Variants in ADAM28 observed in about 807,000 individuals in gnomAD.
The protein encoded by ADAM28 is disintegrin and metalloproteinase domain-containing protein 28.
ADAM28 carries 105 observed loss-of-function variants against 101.2 expected under a neutral mutation model. The observed-to-expected ratio is 1.04, with a 90% CI of 0.89 to 1.22. ADAM28 has a LOEUF of 1.22. Ranked by LOEUF, ADAM28 falls within the 50% of genes most tolerant of loss-of-function variation. The pLI is 0.00. For missense variants in ADAM28, 1,028 were observed against 945.4 expected, an observed-to-expected ratio of 1.09 and a Z score of -1.15; for synonymous variants, 322 against 310.6, an observed-to-expected ratio of 1.04 and a Z score of -0.39.
At chr8:24,337,810 A>ATCAAT (rs1180202707) in intron 14 of ADAM28, among the ~76,000 whole-genome samples, 1 of 152,234 alleles carries the variant, frequency 6.6e-6, no homozygotes, top group Non-Finnish European at 1.5e-5. Context: ...ATTCCCACAA[A>ATCAAT]TCAATTCTAA....
chr8:24,301,605 C>A (rs1004394360), intron 2 of ADAM28, among the ~76,000 whole-genome samples: 2 of 152,074 alleles, frequency 1.3e-5, no homozygotes, highest in African/African-American at 4.8e-5. Context: ...AATTTAAGTA[C>A]CCTGCCTAGG....
At chr8:24,305,557 C>T (rs1044292041) in intron 2 of ADAM28, among the ~76,000 whole-genome samples, 3 of 139,318 alleles carry the variant, frequency 2.2e-5, no homozygotes, top group African/African-American at 8.0e-5. Context: ...ATACTTGTTT[C>T]ATTAATACAT....
intron 1 of ADAM28, among the ~76,000 whole-genome samples, chr8:24,296,510 A>G (rs952879240): frequency 2.0e-5 from 3 of 152,206 alleles, no homozygotes; most frequent in Admixed American, 2.0e-4. Context: ...GAAAATGAAA[A>G]TGTCAATATT....
intron 8 of ADAM28, among the ~76,000 whole-genome samples, chr8:24,322,271 T>G (rs895911034): frequency 6.6e-6 from 1 of 151,806 alleles, no homozygotes; most frequent in Non-Finnish European, 1.5e-5. Context: ...GACTCAGAGA[T>G]TGTTCATTTA....
rs1563270414 is a variant in ADAM28, at chr8:24,306,356, A to ATATATATATATATATATATATATATATT, written c.151-3536_151-3535insTATATATATATATATATATATATATTTA. Among the ~76,000 whole-genome samples the ATATATATATATATATATATATATATATT allele has an allele frequency of 2.4e-3, 276 of 116,582 alleles. 10 individuals are homozygous for ATATATATATATATATATATATATATATT. The highest frequency in any genetic ancestry group is 9.8e-3 in the African/African-American group (265 of 26,976). The allele number at this position is 116,582 out of a possible 152,430, so 76.5% of individuals were successfully genotyped here. A position where few individuals can be genotyped will look rare whatever the true frequency, so the allele number is the denominator to read the frequency against. On this transcript the variant is annotated intron_variant, in intron 2 of 22. Coordinates refer to ENST00000265769, the MANE Select transcript of ADAM28 (RefSeq NM_014265.6). ...GAGACTCCATCTCAAATACAAATAAATAAATAAATATATATATATATATAT... is the reference window on the plus strand; with the variant it reads ...GAGACTCCATCTCAAATACAAATAAATATATATATATATATATATATATATATTTAAATAAATATATATATATATATAT...
intron 5 of ADAM28, among the ~76,000 whole-genome samples, chr8:24,313,004 C>A (rs1328376310): frequency 6.6e-6 from 1 of 152,044 alleles, no homozygotes; most frequent in Non-Finnish European, 1.5e-5. Flanking sequence ...AGTTATAAAG[C>A]CAGTATATTA....
chr8:24,325,136 G>C (rs989954814), intron 9 of ADAM28: 2 of 151,894 alleles, frequency 1.3e-5, no homozygotes, highest in African/African-American at 4.8e-5. Context: ...GAGTTTAGTG[G>C]TTTTCTAAGG....
At chr8:24,307,544 A>C (rs1030214783) in intron 2 of ADAM28, among the ~76,000 whole-genome samples, 1 of 152,228 alleles carries the variant, frequency 6.6e-6, no homozygotes, top group Non-Finnish European at 1.5e-5. Flanking sequence ...GATTGTATTT[A>C]TATGAATGAC....
intron 6 of ADAM28, among the ~76,000 whole-genome samples, chr8:24,317,578 C>A (rs1351523121): frequency 1.3e-5 from 2 of 151,960 alleles, no homozygotes; most frequent in Non-Finnish European, 2.9e-5. Flanking sequence ...AACCATAAAA[C>A]TCCTAAAAGA....
intron 1 of ADAM28, among the ~76,000 whole-genome samples, chr8:24,299,511 T>A (rs79655054): frequency 0.066 from 10,106 of 152,164 alleles, 542 homozygotes; most frequent in African/African-American, 0.15. Flanking sequence ...CCAAGAAAAA[T>A]AGAATAAAAA....
intron 2 of ADAM28, among the ~76,000 whole-genome samples, chr8:24,304,525 T>C (rs1044216470): frequency 2.0e-5 from 3 of 152,012 alleles, no homozygotes; most frequent in Non-Finnish European, 4.4e-5. Context: ...TTGGGGATAA[T>C]GTATATGAAA....
chr8:24,333,116 A>T (rs903619972), intron 13 of ADAM28, among the ~76,000 whole-genome samples: 1 of 152,186 alleles, frequency 6.6e-6, no homozygotes, highest in Non-Finnish European at 1.5e-5. Context: ...GAATCCAAAA[A>T]CGTTGAATAC....
rs77850252 is a variant in ADAM28, at chr8:24,334,718, C to T, written c.1372-728C>T. On this transcript the variant is annotated intron_variant, in intron 13 of 22. Transcript: ENST00000265769. ...TATTAAGATATTTAAAGTTATTTGA[C>T]GCATTGAAAACATACCTGCTCCTGT... 7.9e-5 allele frequency among the ~76,000 whole-genome samples: 12 copies of T among 152,204 alleles called. 1 individual carries two copies. The highest frequency in any genetic ancestry group is 1.9e-4 in the East Asian group (1 of 5,176).
chr8:24,336,657 G>A (rs1028551197), intron 14 of ADAM28, among the ~76,000 whole-genome samples: 3 of 149,934 alleles, frequency 2.0e-5, no homozygotes, highest in African/African-American at 7.4e-5. Flanking sequence ...AAGTGATCTA[G>A]CTTATATACC....
At chr8:24,299,941 C>T (rs767817464) in intron 1 of ADAM28, 33 bp from the exon 2 acceptor site, 4 of 1,562,218 alleles carry the variant, frequency 2.6e-6, no homozygotes, top group Non-Finnish European at 3.5e-6. Flanking sequence ...TCAGTTCTAC[C>T]TGGATAAGTC....
chr8:24,304,278 T>C (rs1389368434), intron 2 of ADAM28, among the ~76,000 whole-genome samples: 2 of 150,642 alleles, frequency 1.3e-5, no homozygotes, highest in Admixed American at 1.3e-4. Flanking sequence ...GAGGTTGATA[T>C]AATGTGCTTG....
intron 19 of ADAM28, among the ~76,000 whole-genome samples, chr8:24,350,738 G>A (rs1034118237): frequency 3.9e-5 from 6 of 152,174 alleles, no homozygotes; most frequent in Non-Finnish European, 7.3e-5. Context: ...TGCAAGGTTA[G>A]GAACTTCACA....
chr8:24,357,209 A>G lies in ADAM28; in HGVS notation c.*2805A>G, dbSNP rs1336052411. ...TAGAGGATGCAGCTAAATTTTGTCCAGATTACACACCCACAGAAACTGTAT... is the reference window on the plus strand; with the variant it reads ...TAGAGGATGCAGCTAAATTTTGTCCGGATTACACACCCACAGAAACTGTAT... On this transcript the variant is annotated 3_prime_UTR_variant, in exon 23 of 23. Transcript: ENST00000265769. 6.6e-6 allele frequency: 1 copy of G among 152,134 alleles called. No homozygotes were observed. The highest frequency in any genetic ancestry group is 1.9e-4 in the East Asian group (1 of 5,184). 9.4% of individuals were successfully genotyped at this position (152,134 alleles called of 1,614,324 possible).
chr8:24,342,973 CCTT>C (rs1814968269), intron 16 of ADAM28, 125 bp from the exon 17 acceptor site: 2 of 1,477,982 alleles, frequency 1.4e-6, no homozygotes, highest in Admixed American at 2.3e-5. Context: ...TCTCTGTTTC[CCTT>C]CTTCTACATC....
Sources: gnomAD v4.1 joint callset for allele counts (sites outside exome capture counted in the v4.1 genomes callset) on GRCh38, gnomAD v4.1.1 for gene constraint, MANE v1.5 for transcripts, NCBI Gene and HGNC (gene_info 2026-07-23, HGNC 2026-07-21) for gene names.